The following ACACA variants were observed in gnomAD, a reference collection of about 807,000 sequenced individuals.
The protein encoded by ACACA is acetyl-CoA carboxylase alpha, also known as acetyl-CoA carboxylase 1.
In ACACA, 103 loss-of-function variants were observed where a neutral mutation model predicts 296.1. The ratio of observed to expected loss-of-function variants is 0.35; its 90% CI spans 0.30 to 0.41. The LOEUF is 0.41. ACACA is among the 10% of genes least tolerant of loss of function. ACACA has a pLI of 1.00. For synonymous variants in ACACA, 953 were observed against 1,038.6 expected, an observed-to-expected ratio of 0.92 and a Z score of 1.58; for missense variants, 1,554 against 2,989.7, an observed-to-expected ratio of 0.52 and a Z score of 11.20.
At chr17:37,255,835 CTCCTGGG>C (rs2081201737) in intron 14 of ACACA, among the ~76,000 whole-genome samples, 2 of 152,274 alleles carry the variant, frequency 1.3e-5, no homozygotes, top group East Asian at 3.9e-4. Context: ...CAACCTCAGC[CTCCTGGG>C]TTCCAGTGAT....
intron 3 of ACACA, among the ~76,000 whole-genome samples, chr17:37,303,374 T>C (rs1318042722): frequency 2.0e-5 from 3 of 152,258 alleles, no homozygotes; most frequent in Admixed American, 6.5e-5. Flanking sequence ...GGACACACCA[T>C]ATTTTGTTTA....
intron 9 of ACACA, among the ~76,000 whole-genome samples, chr17:37,271,254 G>A (rs1420544969): frequency 6.6e-6 from 1 of 152,208 alleles, no homozygotes; most frequent in Non-Finnish European, 1.5e-5. Flanking sequence ...AGTGGCTAAC[G>A]CCTGTAATCA....
At chr17:37,377,033 G>A (rs2147710518) in intron 1 of ACACA, among the ~76,000 whole-genome samples, 1 of 152,206 alleles carries the variant, frequency 6.6e-6, no homozygotes, top group African/African-American at 2.4e-5. Flanking sequence ...CAGCAGTAAC[G>A]AATTTGACAA....
intron 1 of ACACA, chr17:37,365,372 G>T: frequency 1.1e-6 from 1 of 884,384 alleles, no homozygotes; most frequent in Non-Finnish European, 1.4e-6. Context: ...CCCTTTTATA[G>T]CTCTTCAAGT....
intron 5 of ACACA, among the ~76,000 whole-genome samples, chr17:37,280,694 A>C (rs1006422646): frequency 1.9e-4 from 28 of 150,518 alleles, no homozygotes; most frequent in African/African-American, 6.6e-4. Flanking sequence ...GGTAGATGGG[A>C]AGGGATTCAT....
rs1163108760 is a variant in ACACA, at chr17:37,096,977, C to A, written c.6891+19G>T. ...TGAGGAACTCAGCAAAAAGGCTTCT[C>A]TTTGAGTGTCCCACCTACCTTCACT... On this transcript the variant is annotated intron_variant, in intron 54 of 55. Coordinates refer to ENST00000616317, the MANE Select transcript of ACACA (RefSeq NM_198834.3). 2.5e-6 allele frequency: 4 copies of A among 1,614,066 alleles called. No individual in the cohort carries two copies. Among genetic ancestry groups the A allele is most frequent in the Non-Finnish European group, 3.4e-6 (4 of 1,180,024 alleles).
chr17:37,251,047 T>A (rs1415974637), intron 16 of ACACA, among the ~76,000 whole-genome samples: 2 of 151,836 alleles, frequency 1.3e-5, no homozygotes, highest in Non-Finnish European at 2.9e-5. Flanking sequence ...AAAATAAAAA[T>A]AATAAAATAA....
chr17:37,161,881 C>T lies in ACACA; in HGVS notation c.5249G>A (p.Arg1750His). 1 of 1,614,142 alleles carries T rather than the reference C, an allele frequency of 6.2e-7. No individual in the cohort carries two copies. Among genetic ancestry groups the T allele is most frequent in the Non-Finnish European group, 8.5e-7 (1 of 1,180,030 alleles). The part of the protein sequence containing the change: ...SELARAEGIP[R>H]IYVSANSGAR... Reference sequence around the variant, plus strand: ...TCCACTGTTGGCTGATACATAGATGCGTGGAATACCTTCTGCCCTAGCAAG... The same window carrying T: ...TCCACTGTTGGCTGATACATAGATGTGTGGAATACCTTCTGCCCTAGCAAG... The change falls in exon 42 of 56, where the codon CGC (arginine) becomes CAC (histidine). Residue 1750 changes from arginine to histidine, a missense_variant. Transcript: ENST00000616317.
At chr17:37,363,041 T>C (rs951282881) in intron 1 of ACACA, among the ~76,000 whole-genome samples, 2 of 150,428 alleles carry the variant, frequency 1.3e-5, no homozygotes, top group African/African-American at 2.4e-5. Flanking sequence ...CCCTTTTTTT[T>C]TTTTTTAATC....
intron 25 of ACACA, among the ~76,000 whole-genome samples, chr17:37,231,138 C>T (rs2145801383): frequency 6.6e-6 from 1 of 151,942 alleles, no homozygotes; most frequent in Non-Finnish European, 1.5e-5. Flanking sequence ...TTTTGGGAGG[C>T]CAAGATGGGA....
chr17:37,245,861 T>G (rs1217924440), intron 19 of ACACA, among the ~76,000 whole-genome samples: 1 of 152,192 alleles, frequency 6.6e-6, no homozygotes, highest in South Asian at 2.1e-4. Flanking sequence ...ACTAGTATGG[T>G]TTATAAGATC....
At chr17:37,275,426 G>C (rs1054291301) in intron 8 of ACACA, among the ~76,000 whole-genome samples, 1 of 148,800 alleles carries the variant, frequency 6.7e-6, no homozygotes, top group Non-Finnish European at 1.5e-5. Context: ...AACCCGGAAG[G>C]TGGAGGATGC....
rs1287722982 is a variant in ACACA at position 37,087,110 on chromosome 17, G to A, written c.*206C>T. 3 of 683,088 alleles carry A rather than the reference G, an allele frequency of 4.4e-6. No homozygotes were observed. Among genetic ancestry groups the A allele is most frequent in the Non-Finnish European group, 7.7e-6 (3 of 389,480 alleles). The allele number at this position is 683,088 out of a possible 1,614,324, so 42.3% of individuals were successfully genotyped here. A position where few individuals can be genotyped will look rare whatever the true frequency, so the allele number is the denominator to read the frequency against. On this transcript the variant is annotated 3_prime_UTR_variant, in exon 56 of 56. Transcript: ENST00000616317. ...TGGCCAGGGTAATAAATACTGAATGGGGTAGGTGTGACTGGTGGGCTGGAG... is the reference window on the plus strand; with the variant it reads ...TGGCCAGGGTAATAAATACTGAATGAGGTAGGTGTGACTGGTGGGCTGGAG...
chr17:37,101,239 A>C (rs2073346846), intron 52 of ACACA, among the ~76,000 whole-genome samples: 1 of 152,238 alleles, frequency 6.6e-6, no homozygotes, highest in South Asian at 2.1e-4. Context: ...CAATAGGTGA[A>C]TTTGAGAAAA....
intron 9 of ACACA, 35 bp from the exon 10 acceptor site, chr17:37,270,896 A>G (rs1280813306): frequency 6.5e-7 from 1 of 1,541,018 alleles, no homozygotes; most frequent in Non-Finnish European, 9.0e-7. Flanking sequence ...TAGAAGAAAC[A>G]GTGTTATTAC....
intron 29 of ACACA, among the ~76,000 whole-genome samples, chr17:37,212,286 C>CATGTT (rs2078781377): frequency 6.6e-6 from 1 of 152,128 alleles, no homozygotes; most frequent in African/African-American, 2.4e-5. Context: ...GGATGACGGC[C>CATGTT]ATGTTTTCAG....
chr17:37,402,559 G>T lies in ACACA; in HGVS notation c.38+3703C>A, dbSNP rs181069620. Among the ~76,000 whole-genome samples the T allele has an allele frequency of 1.8e-3, 270 of 152,250 alleles. 1 individual carries two copies. The highest frequency in any genetic ancestry group is 7.5e-3 in the East Asian group (39 of 5,188). On this transcript the variant is annotated intron_variant, in intron 1 of 55. Coordinates refer to ENST00000616317, the MANE Select transcript of ACACA (RefSeq NM_198834.3). ...AGGTAGGGACAACAGATATAAACCA[G>T]GCTATTCTCAGCAAATCAGAAATTA...
chr17:37,119,638 AC>A (rs2074426368), intron 50 of ACACA, among the ~76,000 whole-genome samples: 46 of 134,066 alleles, frequency 3.4e-4, no homozygotes, highest in African/African-American at 1.1e-3. Context: ...ACACACACAC[AC>A]ACAATCAACC....
At chr17:37,098,605 A>T (rs2073134784) in intron 52 of ACACA, among the ~76,000 whole-genome samples, 1 of 152,198 alleles carries the variant, frequency 6.6e-6, no homozygotes, top group Non-Finnish European at 1.5e-5. Context: ...TTAGAGCTAG[A>T]TCCTCACATC....
Sources: allele counts gnomAD v4.1 joint callset (sites outside exome capture counted in the v4.1 genomes callset), GRCh38; gene constraint gnomAD v4.1.1; transcripts MANE v1.5; gene names NCBI Gene and HGNC (gene_info 2026-07-23, HGNC 2026-07-21).